The following NKAIN2 variants were observed in gnomAD, a reference collection of about 807,000 sequenced individuals.
NKAIN2 encodes the protein sodium/potassium transporting ATPase interacting 2, also known as sodium/potassium-transporting ATPase subunit beta-1-interacting protein 2.
Under a neutral mutation model 32.6 loss-of-function variants are expected in NKAIN2, and 14 were observed. The observed-to-expected ratio is 0.43, with a 90% CI of 0.28 to 0.67. The LOEUF (loss-of-function observed/expected upper bound fraction) is 0.67, where lower values mean the gene tolerates loss of function less well. NKAIN2 is among the 30% of genes least tolerant of loss of function. The probability of loss-of-function intolerance (pLI) is 0.17; values close to 1 mark genes in which losing one functional copy is unlikely to be tolerated. For synonymous variants in NKAIN2, 80 were observed against 87.2 expected (o/e 0.92, Z 0.46); for missense variants, 198 against 258.3 (o/e 0.77, Z 1.60).
At chr6:123,915,343 A>T (rs1471493396) in intron 1 of NKAIN2, among the ~76,000 whole-genome samples, 1 of 152,116 alleles carries the variant, frequency 6.6e-6, no homozygotes, top group East Asian at 1.9e-4. Flanking sequence ...CTTGATTGCC[A>T]TCTTGATAGG....
intron 1 of NKAIN2, among the ~76,000 whole-genome samples, chr6:124,255,164 G>A (rs749937779): frequency 5.3e-5 from 8 of 152,126 alleles, no homozygotes; most frequent in Non-Finnish European, 1.0e-4. Flanking sequence ...CTTTTACAAG[G>A]GAAGGAATTG....
chr6:124,384,275 AAT>A (rs1026979583), intron 3 of NKAIN2, among the ~76,000 whole-genome samples: 7 of 152,174 alleles, frequency 4.6e-5, no homozygotes, highest in African/African-American at 1.7e-4. Flanking sequence ...ATGGGAAGTC[AAT>A]ATGTTATCTG....
intron 3 of NKAIN2, among the ~76,000 whole-genome samples, chr6:124,446,115 A>G (rs1775881229): frequency 6.6e-6 from 1 of 152,130 alleles, no homozygotes; most frequent in Admixed American, 6.5e-5. Context: ...AGGCATGGCA[A>G]GACCAACATC....
At chr6:124,286,799 A>G (rs1795576711) in intron 2 of NKAIN2, among the ~76,000 whole-genome samples, 1 of 151,990 alleles carries the variant, frequency 6.6e-6, no homozygotes, top group African/African-American at 2.4e-5. Flanking sequence ...CTCCTGCCTC[A>G]GCCTCCCAAG....
intron 1 of NKAIN2, among the ~76,000 whole-genome samples, chr6:124,065,184 C>T (rs1361546401): frequency 6.6e-6 from 1 of 151,840 alleles, no homozygotes; most frequent in East Asian, 1.9e-4. Flanking sequence ...AACGCACCTG[C>T]TTTCTCTTTT....
At chr6:124,664,793 CAAAAAAAAAAAAAAAAAAAAAAA>C (rs57032378) in intron 4 of NKAIN2, among the ~76,000 whole-genome samples, 30 of 40,802 alleles carry the variant, frequency 7.4e-4, no homozygotes, top group African/African-American at 2.8e-3. Context: ...GACTCCGTCT[CAAAAAAAAAAAAAAAAAAAAAAA>C]AAAAAAAAAA....
At chr6:124,316,377 C>T (rs1758058131) in intron 2 of NKAIN2, among the ~76,000 whole-genome samples, 1 of 152,020 alleles carries the variant, frequency 6.6e-6, no homozygotes, top group Non-Finnish European at 1.5e-5. Context: ...CAGAAATGAA[C>T]ATCAACACAT....
At position 123,926,542 on chromosome 6, in the gene NKAIN2, C is replaced by T. The variant is rs533137540; in HGVS notation, c.54+122288C>T. On this transcript the variant is annotated intron_variant, in intron 1 of 6. Transcript: ENST00000368417. The stretch of plus-strand genomic sequence containing the variant: ...CCCGCTGCAGTGTTCCCCAGATGCC[C>T]GCTGCAGTGTTTTCCAGATTCCTGC... Among the ~76,000 whole-genome samples, 20 of 152,132 alleles carry T rather than the reference C, an allele frequency of 1.3e-4. No homozygotes were observed. In the East Asian group the frequency reaches 3.1e-3, roughly 24 times the overall value.
chr6:124,068,228 C>G (rs1222125634), intron 1 of NKAIN2, among the ~76,000 whole-genome samples: 1 of 151,972 alleles, frequency 6.6e-6, no homozygotes, highest in East Asian at 1.9e-4. Context: ...GTTTTAGTAG[C>G]TCTTGAGTTA....
chr6:124,109,657 G>A (rs1785280150), intron 1 of NKAIN2, among the ~76,000 whole-genome samples: 1 of 152,046 alleles, frequency 6.6e-6, no homozygotes, highest in South Asian at 2.1e-4. Flanking sequence ...TGAAAGAAGT[G>A]GTGAGAGTGG....
intron 3 of NKAIN2, among the ~76,000 whole-genome samples, chr6:124,492,775 T>A (rs2114728075): frequency 6.6e-6 from 1 of 152,162 alleles, no homozygotes; most frequent in Middle Eastern, 3.4e-3. Context: ...AGAAATAATA[T>A]TTTTAACATA....
At chr6:124,336,756 C>G (rs558432516) in intron 2 of NKAIN2, among the ~76,000 whole-genome samples, 2 of 151,450 alleles carry the variant, frequency 1.3e-5, no homozygotes, top group Admixed American at 1.3e-4. Context: ...TTACTGCAAC[C>G]TCTGCCTCCT....
At chr6:124,527,174 C>T (rs1755327259) in intron 3 of NKAIN2, among the ~76,000 whole-genome samples, 2 of 152,114 alleles carry the variant, frequency 1.3e-5, no homozygotes, top group Non-Finnish European at 2.9e-5. Context: ...TCACTGGATG[C>T]ATAGTCAATA....
chr6:123,986,565 C>T (rs1779147906), intron 1 of NKAIN2, among the ~76,000 whole-genome samples: 1 of 152,100 alleles, frequency 6.6e-6, no homozygotes, highest in African/African-American at 2.4e-5. Flanking sequence ...TGGTTCTCCA[C>T]CTTGGCTCTA....
chr6:123,935,729 CAG>C (rs1776472882), intron 1 of NKAIN2, among the ~76,000 whole-genome samples: 1 of 151,974 alleles, frequency 6.6e-6, no homozygotes, highest in East Asian at 1.9e-4. Flanking sequence ...TAAGTTCTAA[CAG>C]AGTTAATACA....
At chr6:124,210,439 A>G (rs1791114358) in intron 1 of NKAIN2, among the ~76,000 whole-genome samples, 1 of 151,740 alleles carries the variant, frequency 6.6e-6, no homozygotes, top group Non-Finnish European at 1.5e-5. Context: ...GTGGTTCCAT[A>G]TAATTTTTTT....
chr6:124,461,830 T>C (rs1776543426), intron 3 of NKAIN2, among the ~76,000 whole-genome samples: 2 of 151,830 alleles, frequency 1.3e-5, no homozygotes, highest in Non-Finnish European at 2.9e-5. Flanking sequence ...ACCTCAATCA[T>C]TTGACTTTAG....
chr6:124,098,017 A>ATT lies in NKAIN2; in HGVS notation c.55-184981_55-184980dup, dbSNP rs76320275. On this transcript the variant is annotated intron_variant, in intron 1 of 6. Coordinates refer to ENST00000368417, the MANE Select transcript of NKAIN2 (RefSeq NM_001040214.3). ...GTTAGTCACCTGGAGGTGATGAATG[A>ATT]TTTTTTTTGGTTGATGAGCTACTGG... Among the ~76,000 whole-genome samples, 69 of 152,070 alleles carry ATT rather than the reference A, an allele frequency of 4.5e-4. No individual in the cohort carries two copies. The East Asian group carries it at 5.6e-3, about 12-fold the overall frequency.
intron 1 of NKAIN2, among the ~76,000 whole-genome samples, chr6:124,161,856 G>A (rs1788294222): frequency 1.3e-5 from 2 of 152,036 alleles, no homozygotes; most frequent in South Asian, 4.2e-4. Flanking sequence ...CACTACCTGG[G>A]TGACGGGATC....
Sources: gnomAD v4.1 joint callset for allele counts (sites outside exome capture counted in the v4.1 genomes callset) on GRCh38, gnomAD v4.1.1 for gene constraint, MANE v1.5 for transcripts, NCBI Gene and HGNC (gene_info 2026-07-23, HGNC 2026-07-21) for gene names.